PCYOX1: variants seen among roughly 807,000 people sequenced by gnomAD.
PCYOX1 encodes prenylcysteine lyase.
In PCYOX1, 46 loss-of-function variants were observed where a neutral mutation model predicts 46.4. The observed-to-expected ratio is 0.99, with a 90% CI of 0.78 to 1.27. PCYOX1 has a LOEUF of 1.27. PCYOX1 is among the 50% of genes most tolerant of loss of function. The probability of loss-of-function intolerance (pLI) is 0.00; values close to 1 mark genes in which losing one functional copy is unlikely to be tolerated. For synonymous variants in PCYOX1, 220 were observed against 231.8 expected (o/e 0.95, Z 0.46); for missense variants, 658 against 628.3 (o/e 1.05, Z -0.51).
chr2:70,271,714 T>G (rs575538656), intron 3 of PCYOX1, among the ~76,000 whole-genome samples: 2 of 152,276 alleles, frequency 1.3e-5, no homozygotes, highest in Non-Finnish European at 2.9e-5. Flanking sequence ...ATGTTTGTAA[T>G]GTTTACTTCA....
In PCYOX1 at chr2:70,280,408, T is replaced by C. The variant is rs1470847952; in HGVS notation, c.*3016T>C. On this transcript the variant is annotated 3_prime_UTR_variant, in exon 6 of 6. Transcript: ENST00000433351. ...AGACTGGTAAAAATGATGCAGGGGC[T>C]GAATGAAAGCCAGCTCTGCTCCAGT... 1 of 152,188 alleles carries C rather than the reference T, an allele frequency of 6.6e-6. No individual in the cohort carries two copies. The highest frequency in any genetic ancestry group is 1.5e-5 in the Non-Finnish European group (1 of 68,042). 9.4% of individuals were successfully genotyped at this position (152,188 alleles called of 1,614,324 possible). A position where few individuals can be genotyped will look rare whatever the true frequency, so the allele number is the denominator to read the frequency against.
chr2:70,260,846 A>C (rs1322592817), intron 2 of PCYOX1, among the ~76,000 whole-genome samples: 2 of 152,068 alleles, frequency 1.3e-5, no homozygotes, highest in African/African-American at 4.8e-5. Context: ...GGGCGAAGGT[A>C]TACCCAGAAC....
chr2:70,268,105 G>A (rs1344353724), intron 3 of PCYOX1, among the ~76,000 whole-genome samples: 2 of 152,042 alleles, frequency 1.3e-5, no homozygotes, highest in Non-Finnish European at 2.9e-5. Context: ...CACTGCACCC[G>A]GCCGTAAATT....
In PCYOX1 at chr2:70,277,222, C is replaced by T. The variant is rs780103574; in HGVS notation, c.1348C>T (p.Leu450Phe). The change falls in exon 6 of 6, where the codon CTC (leucine) becomes TTC (phenylalanine). Residue 450 changes from leucine to phenylalanine, a missense_variant. By Grantham distance (22) the Leu-to-Phe change is conservative (BLOSUM62 0). Transcript: ENST00000433351. Reference protein sequence around the residue: ...KPPEKCPSIILHDRLYYLNGI... With the variant: ...KPPEKCPSIIFHDRLYYLNGI... ...CCCGGAGAAATGCCCCTCTATCATTCTCCATGATCGACTTTATTACCTCAA... is the reference window on the plus strand; with the variant it reads ...CCCGGAGAAATGCCCCTCTATCATTTTCCATGATCGACTTTATTACCTCAA... 12 of 1,614,042 alleles carry T rather than the reference C, an allele frequency of 7.4e-6. No individual in the cohort carries two copies. The highest frequency in any genetic ancestry group is 1.6e-4 in the Middle Eastern group (1 of 6,082).
intron 3 of PCYOX1, among the ~76,000 whole-genome samples, chr2:70,273,910 T>C (rs2104898850): frequency 6.6e-6 from 1 of 152,326 alleles, no homozygotes; most frequent in South Asian, 2.1e-4. Context: ...GATATAACTG[T>C]GGACTGGGAA....
chr2:70,264,261 A>C (rs1573978393), intron 3 of PCYOX1, among the ~76,000 whole-genome samples: 1 of 147,368 alleles, frequency 6.8e-6, no homozygotes, highest in African/African-American at 2.5e-5. Context: ...TCCTGTTCCC[A>C]GCCTTGTTTT....
intron 3 of PCYOX1, among the ~76,000 whole-genome samples, chr2:70,267,040 CTG>C (rs1696534089): frequency 1.3e-5 from 2 of 151,884 alleles, no homozygotes; most frequent in African/African-American, 4.8e-5. Flanking sequence ...GACAGGGCGG[CTG>C]CTGGGCGGAG....
chr2:70,267,467 G>A lies in PCYOX1; in HGVS notation c.494+6081G>A, dbSNP rs1383948431. Reference sequence around the variant, plus strand: ...TGGGAGGTGGAGGTTGTAGCGAGCCGAGATCACGCCACTGCACTCCAGCCT... The same window carrying A: ...TGGGAGGTGGAGGTTGTAGCGAGCCAAGATCACGCCACTGCACTCCAGCCT... On this transcript the variant is annotated intron_variant, in intron 3 of 5. Coordinates refer to ENST00000433351, the MANE Select transcript of PCYOX1 (RefSeq NM_016297.4). 5.3e-5 allele frequency among the ~76,000 whole-genome samples: 8 copies of A among 152,080 alleles called. No individual in the cohort carries two copies. The East Asian group carries it at 1.3e-3, about 26-fold the overall frequency.
At chr2:70,266,411 C>T (rs1275261581) in intron 3 of PCYOX1, among the ~76,000 whole-genome samples, 7 of 151,922 alleles carry the variant, frequency 4.6e-5, no homozygotes, top group Non-Finnish European at 1.0e-4. Flanking sequence ...TGATTTTAGC[C>T]CGGAGAGACT....
At chr2:70,274,564 T>C (rs1329325743) in intron 3 of PCYOX1, among the ~76,000 whole-genome samples, 1 of 149,290 alleles carries the variant, frequency 6.7e-6, no homozygotes, top group Non-Finnish European at 1.5e-5. Context: ...TTCTTTTTTT[T>C]TTTCTTTTTT....
chr2:70,277,117 A>G lies in PCYOX1; in HGVS notation c.1243A>G (p.Lys415Glu), dbSNP rs781249598. The change falls in exon 6 of 6, where the codon AAA becomes GAA. Residue 415 changes from lysine to glutamate, a missense_variant. Transcript: ENST00000433351. ...WKIFSQETLT[K>E]AQILKLFLSY... is the part of the protein sequence containing the mutation. Reference sequence around the variant, plus strand: ...GATCTTTTCCCAAGAAACTCTTACTAAAGCACAAATTTTAAAGCTCTTTCT... The same window carrying G: ...GATCTTTTCCCAAGAAACTCTTACTGAAGCACAAATTTTAAAGCTCTTTCT... 3.1e-6 allele frequency: 5 copies of G among 1,614,094 alleles called. No homozygotes were observed. In the South Asian group the frequency reaches 4.4e-5, roughly 14 times the overall value.
chr2:70,259,754 AGTT>A (rs1287070024), intron 2 of PCYOX1, among the ~76,000 whole-genome samples, 188 bp downstream of exon 2: 5 of 129,298 alleles, frequency 3.9e-5, no homozygotes. Context: ...ATGGGACACT[AGTT>A]GTCTGTATCT....
intron 5 of PCYOX1, 78 bp downstream of exon 5, chr2:70,275,744 ATC>A: frequency 7.8e-7 from 1 of 1,288,286 alleles, no homozygotes; most frequent in Non-Finnish European, 1.1e-6. Context: ...CTCTTCTGTC[ATC>A]TCTTACTCAG....
In PCYOX1 at chr2:70,280,802, A is replaced by G. The variant is rs1256237223; in HGVS notation, c.*3410A>G. 1 of 152,222 alleles carries G rather than the reference A, an allele frequency of 6.6e-6. No individual in the cohort carries two copies. The highest frequency in any genetic ancestry group is 1.5e-5 in the Non-Finnish European group (1 of 68,048). The allele number at this position is 152,222 out of a possible 1,614,324, so 9.4% of individuals were successfully genotyped here. A position where few individuals can be genotyped will look rare whatever the true frequency, so the allele number is the denominator to read the frequency against. ...TTAAGAGTGAGAGAGGTATATATCT[A>G]TGAGCCATTGTGTTTGGTGTTTTAC... On this transcript the variant is annotated 3_prime_UTR_variant, in exon 6 of 6. Transcript: ENST00000433351.
chr2:70,264,753 C>G (rs369756402), intron 3 of PCYOX1, among the ~76,000 whole-genome samples: 1 of 151,882 alleles, frequency 6.6e-6, no homozygotes, highest in Non-Finnish European at 1.5e-5. Context: ...CGGTGGCACA[C>G]GCCTGTAATC....
At chr2:70,271,288 A>ACAGCAGCAAGTTCTGTGT (rs1485769808) in intron 3 of PCYOX1, among the ~76,000 whole-genome samples, 3 of 148,960 alleles carry the variant, frequency 2.0e-5, no homozygotes, top group Non-Finnish European at 3.0e-5. Flanking sequence ...AAGAAAAAAC[A>ACAGCAGCAAGTTCTGTGT]CAGCAGCAAG....
intron 3 of PCYOX1, among the ~76,000 whole-genome samples, chr2:70,261,747 T>A (rs1182893334): frequency 6.6e-6 from 1 of 152,162 alleles, no homozygotes; most frequent in Non-Finnish European, 1.5e-5. Context: ...TTCACCCACA[T>A]AGTAAGTGGT....
Position 70,258,196 on chromosome 2 carries a change from C to G in PCYOX1, c.32C>G (p.Ser11Trp). 1 of 1,598,724 alleles carries G rather than the reference C, an allele frequency of 6.3e-7. No individual in the cohort carries two copies. The highest frequency in any genetic ancestry group is 8.5e-7 in the Non-Finnish European group (1 of 1,176,472). Reference sequence around the variant, plus strand: ...CGCGTCGTCGCGGAGCTCGTCTCCTCGCTGCTGGGGTTGTGGCTGTTGCTG... The same window carrying G: ...CGCGTCGTCGCGGAGCTCGTCTCCTGGCTGCTGGGGTTGTGGCTGTTGCTG... MGRVVAELVSSLLGLWLLLCS... is the reference protein window; with the variant it reads MGRVVAELVSWLLGLWLLLCS... Residue 11 changes from serine to tryptophan, a missense_variant, in exon 1 of 6, where the codon TCG (serine) becomes TGG (tryptophan). By Grantham distance (177) the Ser-to-Trp change is radical (BLOSUM62 -3). Coordinates refer to ENST00000433351, the MANE Select transcript of PCYOX1 (RefSeq NM_016297.4).
At position 70,278,835 on chromosome 2, in the gene PCYOX1, G is replaced by C. The variant is rs757211391; in HGVS notation, c.*1443G>C. 3.9e-5 allele frequency: 6 copies of C among 152,190 alleles called. No individual in the cohort carries two copies. The highest frequency in any genetic ancestry group is 3.3e-4 in the Admixed American group (5 of 15,270). 9.4% of individuals were successfully genotyped at this position (152,190 alleles called of 1,614,324 possible). On this transcript the variant is annotated 3_prime_UTR_variant, in exon 6 of 6. Coordinates refer to ENST00000433351, the MANE Select transcript of PCYOX1 (RefSeq NM_016297.4). ...GAACAGAACAAGCAAAAGATTAAGA[G>C]TTCAAAAGTAAATGCAACCAATTTA...
Sources: allele counts gnomAD v4.1 joint callset (sites outside exome capture counted in the v4.1 genomes callset), GRCh38; gene constraint gnomAD v4.1.1; transcripts MANE v1.5; gene names NCBI Gene and HGNC (gene_info 2026-07-23, HGNC 2026-07-21).